The following GGT5 variants were observed in gnomAD, a reference collection of about 807,000 sequenced individuals.
GGT5 encodes gamma-glutamyltransferase 5.
GGT5 carries 50 observed loss-of-function variants against 58.1 expected under a neutral mutation model. The ratio of observed to expected loss-of-function variants is 0.86; its 90% CI spans 0.69 to 1.09. The LOEUF (loss-of-function observed/expected upper bound fraction) is 1.09. GGT5 is among the 50% of genes least tolerant of loss of function. The probability of loss-of-function intolerance (pLI) is 0.00; values close to 1 mark genes in which losing one functional copy is unlikely to be tolerated. For synonymous variants in GGT5, 370 were observed against 346.1 expected, an observed-to-expected ratio of 1.07 and a Z score of -0.77; for missense variants, 800 against 789.4, an observed-to-expected ratio of 1.01 and a Z score of -0.16.
chr22:24,227,856 CCTGA>C (rs1456734940), intron 6 of GGT5, among the ~76,000 whole-genome samples: 5 of 151,700 alleles, frequency 3.3e-5, no homozygotes, highest in Non-Finnish European at 7.4e-5. Context: ...TCAAGACCAG[CCTGA>C]CTAACATGGT....
At chr22:24,230,042 G>A (rs927797761) in intron 6 of GGT5, among the ~76,000 whole-genome samples, 1 of 151,900 alleles carries the variant, frequency 6.6e-6, no homozygotes, top group Non-Finnish European at 1.5e-5. Flanking sequence ...AGACCAGCCC[G>A]GCCAACATGG....
Position 24,219,893 on chromosome 22 carries a change from T to C in GGT5, c.*77A>G. On this transcript the variant is annotated 3_prime_UTR_variant, in exon 12 of 12. Transcript: ENST00000327365. ...AGGGGTCCAGATCCTGCCAGAGTAG[T>C]TGGTCCCCCAGCCATGTCCGGCCTG... 7.0e-7 allele frequency: 1 copy of C among 1,432,452 alleles called. No homozygotes were observed. Among genetic ancestry groups the C allele is most frequent in the Non-Finnish European group, 9.7e-7 (1 of 1,028,968 alleles). 88.7% of individuals were successfully genotyped at this position (1,432,452 alleles called of 1,614,324 possible). A position where few individuals can be genotyped will look rare whatever the true frequency, so the allele number is the denominator to read the frequency against.
In GGT5 at chr22:24,232,215, GGT is replaced by G; in HGVS notation, c.597-9_597-8del. 1 of 1,464,646 alleles carries G rather than the reference GGT, an allele frequency of 6.8e-7. No homozygotes were observed. Among genetic ancestry groups the G allele is most frequent in the Non-Finnish European group, 9.2e-7 (1 of 1,089,106 alleles). 90.7% of individuals were successfully genotyped at this position (1,464,646 alleles called of 1,614,324 possible). ...CCCGTTGAAGAAGAGCTGGCTGGGG[GGT>G]GGGGGGAGCCTCAGGGTGGGGCCAG... On this transcript the variant is annotated splice_region_variant and splice_polypyrimidine_tract_variant and intron_variant, in intron 4 of 11. Coordinates refer to ENST00000327365, the MANE Select transcript of GGT5 (RefSeq NM_004121.5).
Position 24,231,456 on chromosome 22 carries a change from C to A in GGT5, c.829G>T (p.Asp277Tyr). 6.4e-7 allele frequency: 1 copy of A among 1,569,796 alleles called. No individual in the cohort carries two copies. The highest frequency in any genetic ancestry group is 8.6e-7 in the Non-Finnish European group (1 of 1,157,162). The change falls in exon 6 of 12, where the codon GAC (aspartate) becomes TAC (tyrosine). Residue 277 changes from aspartate (D) to tyrosine (Y), a missense_variant. Coordinates refer to ENST00000327365, the MANE Select transcript of GGT5 (RefSeq NM_004121.5). ...GGCGGTGGTGAGTACAGGGTATAGT[C>A]CCCCAGGGGCACCTCCAGGGCATCC... Reference protein sequence around the residue: ...VVDALEVPLGDYTLYSPPPPA... With the variant: ...VVDALEVPLGYYTLYSPPPPA...
chr22:24,232,991 T>C lies in GGT5; in HGVS notation c.428A>G (p.Glu143Gly). ...TGAQWIGVPG[E>G]LRGYAEAHRR... Reference sequence around the variant, plus strand: ...GTGGGCCTCGGCATAGCCACGGAGCTCCCCGGGCACCCCGATCCACTGGGC... The same window carrying C: ...GTGGGCCTCGGCATAGCCACGGAGCCCCCCGGGCACCCCGATCCACTGGGC... The change falls in exon 4 of 12, where the codon GAG (glutamate) becomes GGG (glycine). Residue 143 changes from glutamate (E) to glycine (G), a missense_variant. Coordinates refer to ENST00000327365, the MANE Select transcript of GGT5 (RefSeq NM_004121.5). 2 of 1,551,560 alleles carry C rather than the reference T, an allele frequency of 1.3e-6. No individual in the cohort carries two copies. Among genetic ancestry groups the C allele is most frequent in the Non-Finnish European group, 1.7e-6 (2 of 1,148,418 alleles).
At chr22:24,238,838 TATATATATTATATATATTATATATATA>T in intron 1 of GGT5, among the ~76,000 whole-genome samples, 1 of 11,154 alleles carries the variant, frequency 9.0e-5, no homozygotes, top group African/African-American at 5.3e-4. Context: ...TATATTTATA[TATATATATTATATATATTATATATATA>T]ATATATATAA....
At chr22:24,227,453 G>A (rs1228388711) in intron 6 of GGT5, among the ~76,000 whole-genome samples, 2 of 151,576 alleles carry the variant, frequency 1.3e-5, no homozygotes, top group Non-Finnish European at 1.5e-5. Context: ...TACTGTGTTG[G>A]CCAGGCTGGT....
chr22:24,229,280 G>T (rs779863185), intron 6 of GGT5, among the ~76,000 whole-genome samples: 3 of 150,768 alleles, frequency 2.0e-5, no homozygotes, highest in Admixed American at 6.6e-5. Context: ...GGTGGCAGGC[G>T]CCTGTAATCC....
chr22:24,231,475 G>T lies in GGT5; in HGVS notation c.810C>A (p.Ala270=). 6.3e-7 allele frequency: 1 copy of T among 1,580,014 alleles called. No individual in the cohort carries two copies. Among genetic ancestry groups the T allele is most frequent in the Non-Finnish European group, 8.6e-7 (1 of 1,162,722 alleles). The change falls in exon 6 of 12, where the codon GCC becomes GCA. Residue 270 remains alanine, a synonymous_variant. Coordinates refer to ENST00000327365, the MANE Select transcript of GGT5 (RefSeq NM_004121.5). ...LAKFQPEVVD[A]LEVPLGDYTL... ...TATAGTCCCCCAGGGGCACCTCCAG[G>T]GCATCCACCACCTCGGGCTGGAACT...
At chr22:24,228,153 G>T (rs549896843) in intron 6 of GGT5, among the ~76,000 whole-genome samples, 27 of 151,576 alleles carry the variant, frequency 1.8e-4, no homozygotes, top group African/African-American at 6.0e-4. Context: ...CCCGTTCTCG[G>T]CTGGGTGCAG....
intron 1 of GGT5, among the ~76,000 whole-genome samples, chr22:24,237,214 T>C (rs2048124130): frequency 6.6e-6 from 1 of 151,884 alleles, no homozygotes; most frequent in Non-Finnish European, 1.5e-5. Context: ...AGCAGTGCTG[T>C]TGACCTACTC....
chr22:24,223,069 A>G (rs906644508), intron 11 of GGT5, among the ~76,000 whole-genome samples: 3 of 148,394 alleles, frequency 2.0e-5, no homozygotes, highest in East Asian at 2.0e-4. Context: ...CAGCCTGGGC[A>G]ACAGAGCGAG....
rs754729018 is a variant in GGT5 at position 24,233,008 on chromosome 22, C to A, written c.411G>T (p.Trp137Cys). Residue 137 changes from tryptophan to cysteine, a missense_variant, in exon 4 of 12, where the codon TGG becomes TGT. By Grantham distance (215) the Trp-to-Cys change is radical. Coordinates refer to ENST00000327365, the MANE Select transcript of GGT5 (RefSeq NM_004121.5). The part of the protein sequence containing the change: ...QALPLGTGAQ[W>C]IGVPGELRGY... ...CACGGAGCTCCCCGGGCACCCCGAT[C>A]CACTGGGCCCCTGCATGGCACATCC... The A allele has an allele frequency of 6.5e-7, 1 of 1,534,844 alleles. No homozygotes were observed. Among genetic ancestry groups the A allele is most frequent in the Non-Finnish European group, 8.8e-7 (1 of 1,139,032 alleles).
chr22:24,226,395 C>T (rs2047766911), intron 7 of GGT5, 129 bp from the exon 8 acceptor site: 1 of 801,128 alleles, frequency 1.2e-6, no homozygotes, highest in Non-Finnish European at 1.9e-6. Flanking sequence ...CCAGGTCTCC[C>T]TCAAGCCCAG....
chr22:24,225,857 T>G (rs1050149047), intron 8 of GGT5, among the ~76,000 whole-genome samples: 2 of 152,126 alleles, frequency 1.3e-5, no homozygotes, highest in African/African-American at 4.8e-5. Context: ...TGAGTGAGGC[T>G]ACCCATTCCC....
intron 4 of GGT5, 145 bp downstream of exon 4, chr22:24,232,678 A>G (rs569072835): frequency 1.1e-4 from 58 of 515,980 alleles, no homozygotes; most frequent in African/African-American, 1.1e-3. Flanking sequence ...TGGAAGGGCC[A>G]TGAAAAGTAC....
At chr22:24,226,349 A>C in intron 7 of GGT5, 83 bp from the exon 8 acceptor site, 2 of 1,103,532 alleles carry the variant, frequency 1.8e-6, no homozygotes, top group Non-Finnish European at 2.6e-6. Context: ...ATCAGCCCCC[A>C]TGGGGGCCAC....
intron 11 of GGT5, among the ~76,000 whole-genome samples, chr22:24,224,029 C>G (rs1008944252): frequency 2.6e-5 from 4 of 151,902 alleles, no homozygotes; most frequent in African/African-American, 2.4e-5. Flanking sequence ...TCCCAAAGTG[C>G]TGGGATTACA....
chr22:24,240,475 C>T (rs1242893510), intron 1 of GGT5, among the ~76,000 whole-genome samples: 1 of 150,824 alleles, frequency 6.6e-6, no homozygotes, highest in Non-Finnish European at 1.5e-5. Flanking sequence ...ATGCACTAAC[C>T]AAGAAAGCTG....
Sources: gnomAD v4.1 joint callset for allele counts (sites outside exome capture counted in the v4.1 genomes callset) on GRCh38, gnomAD v4.1.1 for gene constraint, MANE v1.5 for transcripts, NCBI Gene and HGNC (gene_info 2026-07-23, HGNC 2026-07-21) for gene names.